Variants in HMCN2 observed in about 807,000 individuals in gnomAD.
The protein encoded by HMCN2 is hemicentin-2.
In HMCN2, 325 loss-of-function variants were observed where a neutral mutation model predicts 377.5. That is an observed-to-expected ratio of 0.86 (90% CI 0.79 to 0.94). The LOEUF (loss-of-function observed/expected upper bound fraction) is 0.94, where lower values mean the gene tolerates loss of function less well. Among genes scored for constraint, HMCN2 ranks in the 40% least tolerant of loss-of-function variants. The pLI is 0.00. For missense variants in HMCN2, 4,543 were observed against 4,725.3 expected, an observed-to-expected ratio of 0.96 and a Z score of 1.13; for synonymous variants, 2,007 against 2,046.8, an observed-to-expected ratio of 0.98 and a Z score of 0.53.
rs1378866709 is a variant in HMCN2 at position 130,308,101 on chromosome 9, C to G, written c.2200+535C>G. ...CCTCTGGAGTAGCTGGAATTATAGG[C>G]GTGTACCACCAGGCCTGGCTCATTT... On this transcript the variant is annotated intron_variant, in intron 14 of 97. Transcript: ENST00000683500. This position sits in a 1 kb window ranked among gnomAD's most constrained non-coding sequence, Gnocchi z 4.1. 2.0e-5 allele frequency among the ~76,000 whole-genome samples: 3 copies of G among 151,912 alleles called. No individual in the cohort carries two copies.
chr9:130,411,963 C>T (rs11244230), intron 85 of HMCN2, among the ~76,000 whole-genome samples: 35,362 of 151,872 alleles, frequency 0.23, 4,479 homozygotes, highest in Non-Finnish European at 0.28. Context: ...ATTTTTTTTA[C>T]AACTATTATT....
chr9:130,380,298 G>A (rs531579511), intron 54 of HMCN2, among the ~76,000 whole-genome samples: 2 of 152,148 alleles, frequency 1.3e-5, no homozygotes, highest in African/African-American at 4.8e-5. Flanking sequence ...GACTTAAAAG[G>A]CTCCAGGGGT....
At chr9:130,396,745 C>T (rs1161266024) in intron 73 of HMCN2, among the ~76,000 whole-genome samples, 1 of 152,200 alleles carries the variant, frequency 6.6e-6, no homozygotes. Context: ...CACAGAATGC[C>T]ATTGGCCCAG....
intron 1 of HMCN2, among the ~76,000 whole-genome samples, chr9:130,276,051 G>T (rs1205345009): frequency 6.6e-6 from 1 of 151,558 alleles, no homozygotes; most frequent in Non-Finnish European, 1.5e-5. Flanking sequence ...CAGGGTGCCT[G>T]CAGGGGGAGG....
intron 54 of HMCN2, among the ~76,000 whole-genome samples, chr9:130,381,210 A>T (rs2131633576): frequency 6.6e-6 from 1 of 152,240 alleles, no homozygotes; most frequent in East Asian, 1.9e-4. Context: ...CTGCTGCCTC[A>T]ATCCTGGCCA....
chr9:130,278,199 A>ACTGCAAGCTCCGCCTCC (rs1834901891), intron 1 of HMCN2, among the ~76,000 whole-genome samples: 1 of 152,060 alleles, frequency 6.6e-6, no homozygotes, highest in African/African-American at 2.4e-5. Context: ...ATCTCAGCTC[A>ACTGCAAGCTCCGCCTCC]CTGCAAGCTC....
Position 130,392,802 on chromosome 9 carries a change from C to T in HMCN2, c.10137-410C>T, listed in dbSNP as rs1362650937. 7.2e-5 allele frequency among the ~76,000 whole-genome samples: 11 copies of T among 152,206 alleles called. No homozygotes were observed. In the East Asian group the frequency reaches 9.7e-4, roughly 13 times the overall value. On this transcript the variant is annotated intron_variant, in intron 66 of 97. Transcript: ENST00000683500. ...ACAAGGTCAGGAGATCAAGACCATCCTGGCTAACACGGTGAAACCCCGTCT... is the reference window on the plus strand; with the variant it reads ...ACAAGGTCAGGAGATCAAGACCATCTTGGCTAACACGGTGAAACCCCGTCT...
intron 84 of HMCN2, among the ~76,000 whole-genome samples, chr9:130,409,678 A>G (rs1843310582): frequency 6.6e-6 from 1 of 152,242 alleles, no homozygotes; most frequent in Admixed American, 6.5e-5. Context: ...TGATGCTTAT[A>G]AGATCCTAGC....
At chr9:130,355,901 G>T (rs1275910751) in intron 33 of HMCN2, 47 bp downstream of exon 33, 1 of 1,158,684 alleles carries the variant, frequency 8.6e-7, no homozygotes, top group East Asian at 5.9e-5. Flanking sequence ...GGCAGAGAGC[G>T]TGTGCTTTGC....
At chr9:130,335,565 A>G (rs1244680546) in intron 22 of HMCN2, among the ~76,000 whole-genome samples, 1 of 152,058 alleles carries the variant, frequency 6.6e-6, no homozygotes. Flanking sequence ...CACTAATAGC[A>G]AGGCAGTTTA....
chr9:130,371,414 G>GAA (rs10659347), intron 46 of HMCN2, among the ~76,000 whole-genome samples: 64,227 of 146,258 alleles, frequency 0.44, 14,662 homozygotes, highest in East Asian at 0.6. Context: ...AAGTCCTGCA[G>GAA]AAAAAAAAAA....
In HMCN2 at chr9:130,418,769, C is replaced by T; in HGVS notation, c.12962-3C>T. 7.1e-7 allele frequency: 1 copy of T among 1,411,670 alleles called. No individual in the cohort carries two copies. Among genetic ancestry groups the T allele is most frequent in the East Asian group, 2.6e-5 (1 of 38,842 alleles). The allele number at this position is 1,411,670 out of a possible 1,614,324, so 87.4% of individuals were successfully genotyped here. On this transcript the variant is annotated splice_polypyrimidine_tract_variant and splice_region_variant and intron_variant, in intron 85 of 97. Coordinates refer to ENST00000683500, the MANE Select transcript of HMCN2 (RefSeq NM_001291815.2). ...TCCTAAAAGCCACCTGGGCCTCCCA[C>T]AGGTGCTCCGGTGTTCCAGGTGGAG...
At position 130,393,217 on chromosome 9, in the gene HMCN2, C is replaced by T; in HGVS notation, c.10142C>T (p.Ser3381Phe). 1 of 988,182 alleles carries T rather than the reference C, an allele frequency of 1.0e-6. No homozygotes were observed. The highest frequency in any genetic ancestry group is 1.2e-6 in the Non-Finnish European group (1 of 830,242). The allele number at this position is 988,182 out of a possible 1,614,324, so 61.2% of individuals were successfully genotyped here. ...LHGSGHTLRISKVQLADAGIF... is the reference protein window; with the variant it reads ...LHGSGHTLRIFKVQLADAGIF... ...TCTCCTCTCGGGGGATTCAGGATTT[C>T]CAAGGTGCAATTGGCAGACGCTGGC... Residue 3381 changes from serine to phenylalanine, a missense_variant, in exon 67 of 98, where the codon TCC becomes TTC. Physicochemically the swap from Ser to Phe is radical, Grantham distance 155 (BLOSUM62 -2). This residue lies in a region of HMCN2 where 1,073 missense variants were observed against 1,319.5 expected (regional missense o/e 0.81). Transcript: ENST00000683500. This position sits in a 1 kb window ranked among gnomAD's most constrained non-coding sequence, Gnocchi z 5.2.
At chr9:130,417,175 A>G (rs1471493486) in intron 85 of HMCN2, among the ~76,000 whole-genome samples, 1 of 151,846 alleles carries the variant, frequency 6.6e-6, no homozygotes, top group Non-Finnish European at 1.5e-5. Context: ...AGCCTCCCAA[A>G]GTGCTAGGGT....
Position 130,407,638 on chromosome 9 carries a change from GAC to G in HMCN2, c.12622_12623del (p.Thr4208LeufsTer85), listed in dbSNP as rs1564865651. 1.6e-6 allele frequency: 2 copies of G among 1,285,738 alleles called. No individual in the cohort carries two copies. Among genetic ancestry groups the G allele is most frequent in the East Asian group, 1.1e-4 (2 of 17,822 alleles). The allele number at this position is 1,285,738 out of a possible 1,614,324, so 79.6% of individuals were successfully genotyped here. A position where few individuals can be genotyped will look rare whatever the true frequency, so the allele number is the denominator to read the frequency against. ...CCGCTGTCTCCAGAGAAGACAGCGG[GAC>G]CTATGTCTGCTGGGCGGAGAACAGA... ...RAAVSREDSG[T>X]YVCWAENRVG... On this transcript the variant is annotated frameshift_variant, in exon 83 of 98. Transcript: ENST00000683500. LOFTEE classifies it high-confidence loss of function.
Position 130,395,298 on chromosome 9 carries a change from C to T in HMCN2, c.10862C>T (p.Ala3621Val). The T allele has an allele frequency of 7.8e-7, 1 of 1,289,554 alleles. No homozygotes were observed. The highest frequency in any genetic ancestry group is 1.2e-5 in the South Asian group (1 of 81,002). The allele number at this position is 1,289,554 out of a possible 1,614,324, so 79.9% of individuals were successfully genotyped here. ...GQLVLECSVE[A>V]EPAPKITWHR... is the part of the protein sequence containing the mutation. ...CTGGTCCTGGAGTGTTCGGTGGAGG[C>T]AGAGCCAGCGCCCAAGATCACGTGG... The change falls in exon 71 of 98, where the codon GCA (alanine) becomes GTA (valine). Residue 3621 changes from alanine to valine, a missense_variant. By Grantham distance (64) the Ala-to-Val change is moderately conservative. Coordinates refer to ENST00000683500, the MANE Select transcript of HMCN2 (RefSeq NM_001291815.2).
intron 84 of HMCN2, 44 bp from the exon 85 acceptor site, chr9:130,410,527 T>C: frequency 6.5e-7 from 1 of 1,533,910 alleles, no homozygotes; most frequent in Non-Finnish European, 8.8e-7. Flanking sequence ...GCCACTCATC[T>C]TCTTCTCTGA....
At chr9:130,383,420 A>C in intron 56 of HMCN2, 84 bp from the exon 57 acceptor site, 1 of 554,350 alleles carries the variant, frequency 1.8e-6, no homozygotes, top group Non-Finnish European at 2.3e-6. Flanking sequence ...ATGGGATGGG[A>C]GGGATTCCTC....
At position 130,382,267 on chromosome 9, in the gene HMCN2, G is replaced by T. The variant is rs996592874; in HGVS notation, c.8515G>T (p.Asp2839Tyr). 1.5e-5 allele frequency: 15 copies of T among 985,774 alleles called. No individual in the cohort carries two copies. In the Admixed American group the frequency reaches 2.5e-4, roughly 16 times the overall value. The allele number at this position is 985,774 out of a possible 1,614,324, so 61.1% of individuals were successfully genotyped here. A position where few individuals can be genotyped will look rare whatever the true frequency, so the allele number is the denominator to read the frequency against. Residue 2839 changes from aspartate (D) to tyrosine (Y), a missense_variant, in exon 55 of 98, where the codon GAC becomes TAC. Physicochemically the swap from Asp to Tyr is radical, Grantham distance 160. Coordinates refer to ENST00000683500, the MANE Select transcript of HMCN2 (RefSeq NM_001291815.2). ...CAAGGCCTCCAACGAGGTGGGCGAG[G>T]ACTGGCTGCACTACGAGCTGCTGGT... ...SCKASNEVGEDWLHYELLVLT... is the reference protein window; with the variant it reads ...SCKASNEVGEYWLHYELLVLT...
Sources: gnomAD v4.1 joint callset for allele counts (sites outside exome capture counted in the v4.1 genomes callset) on GRCh38, gnomAD v4.1.1 for gene constraint, gnomAD v4.1.1 regional missense constraint, Gnocchi (gnomAD v3.1) non-coding constraint, MANE v1.5 for transcripts, NCBI Gene and HGNC (gene_info 2026-07-23, HGNC 2026-07-21) for gene names.